CSMD3: variants seen among roughly 807,000 people sequenced by gnomAD.
CSMD3 encodes the protein CUB and Sushi multiple domains 3.
In CSMD3, 177 loss-of-function variants were observed where a neutral mutation model predicts 435.2. The observed-to-expected ratio is 0.41, with a 90% CI of 0.36 to 0.46. CSMD3 has a LOEUF of 0.46. Ranked by LOEUF, CSMD3 falls within the 20% of genes least tolerant of loss-of-function variation. The probability of loss-of-function intolerance (pLI) is 0.34; values close to 1 mark genes in which losing one functional copy is unlikely to be tolerated. For missense variants in CSMD3, 4,265 were observed against 4,504.6 expected (o/e 0.95, Z 1.52); for synonymous variants, 1,656 against 1,520.5 (o/e 1.09, Z -2.07).
At chr8:113,322,636 T>G (rs1321970091) in intron 1 of CSMD3, among the ~76,000 whole-genome samples, 1 of 152,194 alleles carries the variant, frequency 6.6e-6, no homozygotes, top group Non-Finnish European at 1.5e-5. Flanking sequence ...ACTGCTAAAA[T>G]TTTGATTGGG....
chr8:112,827,842 C>T (rs2132468182), intron 12 of CSMD3, among the ~76,000 whole-genome samples: 1 of 152,242 alleles, frequency 6.6e-6, no homozygotes, highest in South Asian at 2.1e-4. Context: ...CAAAGAGGCC[C>T]TCTCCATAGG....
At chr8:113,421,618 C>A (rs1005940280) in intron 1 of CSMD3, among the ~76,000 whole-genome samples, 2 of 152,214 alleles carry the variant, frequency 1.3e-5, no homozygotes, top group African/African-American at 2.4e-5. Flanking sequence ...ATACTTTGAA[C>A]TGAAATAGGT....
intron 3 of CSMD3, among the ~76,000 whole-genome samples, chr8:113,184,599 C>T (rs1389607112): frequency 5.9e-5 from 9 of 152,044 alleles, no homozygotes; most frequent in Non-Finnish European, 8.8e-5. Context: ...AGATCCCTTA[C>T]ATCAAAAAGA....
At chr8:113,268,399 C>T (rs72670729) in intron 3 of CSMD3, among the ~76,000 whole-genome samples, 15,789 of 151,688 alleles carry the variant, frequency 0.1, 961 homozygotes, top group Middle Eastern at 0.17. Flanking sequence ...ACATATAAAA[C>T]CTAAGTTCTG....
At chr8:112,964,977 C>T (rs569779589) in intron 7 of CSMD3, among the ~76,000 whole-genome samples, 3 of 151,910 alleles carry the variant, frequency 2.0e-5, no homozygotes, top group East Asian at 1.9e-4. Context: ...TTTCACTCTG[C>T]GCACAGCAGG....
chr8:112,526,288 T>G (rs1824954557), intron 27 of CSMD3, among the ~76,000 whole-genome samples: 1 of 152,000 alleles, frequency 6.6e-6, no homozygotes, highest in Non-Finnish European at 1.5e-5. Flanking sequence ...AAATAGTACT[T>G]CAAAAACCCA....
chr8:113,107,062 AAC>A (rs1554776934), intron 4 of CSMD3, among the ~76,000 whole-genome samples: 1 of 152,158 alleles, frequency 6.6e-6, no homozygotes, highest in Non-Finnish European at 1.5e-5. Context: ...GGCCTTAGAC[AAC>A]CATGAATCCA....
chr8:112,861,253 C>T (rs1241691614), intron 10 of CSMD3, among the ~76,000 whole-genome samples: 1 of 151,780 alleles, frequency 6.6e-6, no homozygotes, highest in Non-Finnish European at 1.5e-5. Flanking sequence ...CTCACTGCTA[C>T]TATATTTATC....
chr8:112,963,418 G>A (rs1401568802), intron 7 of CSMD3, among the ~76,000 whole-genome samples: 2 of 151,894 alleles, frequency 1.3e-5, no homozygotes, highest in Admixed American at 6.6e-5. Flanking sequence ...AATTATTAGA[G>A]ATTTAATTGA....
chr8:113,143,338 G>T (rs1354558443), intron 4 of CSMD3, among the ~76,000 whole-genome samples: 1 of 151,312 alleles, frequency 6.6e-6, no homozygotes, highest in Admixed American at 6.6e-5. Flanking sequence ...CAGAGAGAAT[G>T]CAAGGAAACT....
chr8:112,516,512 C>T (rs1006086377), intron 28 of CSMD3, among the ~76,000 whole-genome samples: 3 of 152,026 alleles, frequency 2.0e-5, no homozygotes, highest in Admixed American at 1.3e-4. Flanking sequence ...TAACAGAGCA[C>T]GGAGACAAAA....
At chr8:112,907,526 C>A (rs1268280500) in intron 10 of CSMD3, among the ~76,000 whole-genome samples, 1 of 150,948 alleles carries the variant, frequency 6.6e-6, no homozygotes, top group East Asian at 2.0e-4. Context: ...GTAGTCAGTA[C>A]AATTACTACT....
intron 1 of CSMD3, among the ~76,000 whole-genome samples, chr8:113,387,745 G>T (rs2094445349): frequency 6.6e-6 from 1 of 151,562 alleles, no homozygotes; most frequent in Non-Finnish European, 1.5e-5. Flanking sequence ...GAAGTAAAAA[G>T]GAAGAGAAAG....
chr8:113,378,370 A>C (rs1252410146), intron 1 of CSMD3, among the ~76,000 whole-genome samples: 4 of 152,228 alleles, frequency 2.6e-5, no homozygotes, highest in Non-Finnish European at 5.9e-5. Flanking sequence ...ATGGTGAACC[A>C]AACTGACATT....
intron 3 of CSMD3, among the ~76,000 whole-genome samples, chr8:113,271,818 G>GC (rs1163940769): frequency 6.6e-6 from 1 of 152,120 alleles, no homozygotes; most frequent in Non-Finnish European, 1.5e-5. Context: ...TGGAAAAGCT[G>GC]CAGACCCTCA....
chr8:112,715,942 T>C (rs1011194163), intron 13 of CSMD3, among the ~76,000 whole-genome samples: 2 of 152,182 alleles, frequency 1.3e-5, no homozygotes, highest in Non-Finnish European at 2.9e-5. Context: ...ATAAGAGCTG[T>C]TTATGAAAAA....
intron 5 of CSMD3, among the ~76,000 whole-genome samples, chr8:113,053,595 T>C (rs1027176060): frequency 6.6e-6 from 1 of 152,042 alleles, no homozygotes; most frequent in East Asian, 1.9e-4. Flanking sequence ...CTTATGAACT[T>C]ACTTATACAT....
At chr8:113,163,005 T>G (rs1347279690) in intron 4 of CSMD3, among the ~76,000 whole-genome samples, 1 of 152,140 alleles carries the variant, frequency 6.6e-6, no homozygotes, top group Non-Finnish European at 1.5e-5. Flanking sequence ...TTATGTATGC[T>G]TCCCATAAGC....
intron 32 of CSMD3, among the ~76,000 whole-genome samples, chr8:112,420,134 A>C (rs758958171): frequency 6.6e-6 from 1 of 152,148 alleles, no homozygotes; most frequent in Non-Finnish European, 1.5e-5. Flanking sequence ...CTATAAATTA[A>C]ATTACTGGGA....
Sources: gnomAD v4.1 joint callset for allele counts (sites outside exome capture counted in the v4.1 genomes callset) on GRCh38, gnomAD v4.1.1 for gene constraint, MANE v1.5 for transcripts, NCBI Gene and HGNC (gene_info 2026-07-23, HGNC 2026-07-21) for gene names.